The following ZNF839 variants were observed in gnomAD, a reference collection of about 807,000 sequenced individuals.
The protein encoded by ZNF839 is renal carcinoma antigen NY-REN-50.
Under a neutral mutation model 56.4 loss-of-function variants are expected in ZNF839, and 38 were observed. The ratio of observed to expected loss-of-function variants is 0.67; its 90% confidence interval spans 0.52 to 0.88. ZNF839 has a LOEUF of 0.88. ZNF839 is among the 40% of genes least tolerant of loss of function. The pLI is 0.00. For missense variants in ZNF839, 1,091 were observed against 1,177.6 expected (o/e 0.93, Z 1.08); for synonymous variants, 486 against 493.5 (o/e 0.98, Z 0.20).
chr14:102,336,534 G>GTGA (rs1885734109), intron 5 of ZNF839: 1 of 340,248 alleles, frequency 2.9e-6, no homozygotes, highest in African/African-American at 2.2e-5. Flanking sequence ...AGCTCAGGCA[G>GTGA]TCTGCCTGCC....
intron 1 of ZNF839, among the ~76,000 whole-genome samples, chr14:102,321,473 T>C (rs2073125391): frequency 6.6e-6 from 1 of 152,240 alleles, no homozygotes; most frequent in South Asian, 2.1e-4. Context: ...TATTCGAGCT[T>C]AGGCAGCATG....
chr14:102,327,074 A>C (rs1457408945), intron 2 of ZNF839, among the ~76,000 whole-genome samples, 187 bp downstream of exon 2: 2 of 152,038 alleles, frequency 1.3e-5, no homozygotes, highest in Non-Finnish European at 2.9e-5. Flanking sequence ...AGTCACGGTG[A>C]AGGCAGAGTG....
In ZNF839 at chr14:102,326,608, G is replaced by A. The variant is rs200901016; in HGVS notation, c.912G>A (p.Ser304=). 7 of 1,613,584 alleles carry A rather than the reference G, an allele frequency of 4.3e-6. No individual in the cohort carries two copies. The highest frequency in any genetic ancestry group is 4.5e-5 in the East Asian group (2 of 44,892). Residue 304 remains serine, a synonymous_variant, in exon 2 of 8, where the codon TCG becomes TCA. Coordinates refer to ENST00000442396, the MANE Select transcript of ZNF839 (RefSeq NM_018335.6). This position sits in a 1 kb window ranked among gnomAD's most constrained non-coding sequence, Gnocchi z 4.3. ...QRERHALFDL[S]SCSLRPKSFK... is the part of the protein sequence containing the mutation. The stretch of plus-strand genomic sequence containing the variant: ...AGAGGCACGCACTCTTTGACTTATC[G>A]AGCTGCTCCCTGAGGCCCAAAAGCT...
At chr14:102,319,035 A>T (rs979201445), upstream of ZNF839, among the ~76,000 whole-genome samples, 1 of 152,244 alleles carries the variant, frequency 6.6e-6, no homozygotes, top group Non-Finnish European at 1.5e-5. The surrounding 1 kb of genome is among the most constrained non-coding windows in gnomAD (Gnocchi z 4.5). Context: ...ACAGAGCCTC[A>T]ACCGTAAGAA....
intron 3 of ZNF839, among the ~76,000 whole-genome samples, chr14:102,333,906 C>A (rs1027485146): frequency 6.6e-6 from 1 of 152,202 alleles, no homozygotes. Context: ...TCTTGACTTT[C>A]TCCTTCACTC....
Position 102,326,209 on chromosome 14 carries a change from A to G in ZNF839, c.513A>G (p.Gln171=). ...CCTGCTTCCTAAGTGACTTATGCCAACCTCCTGCTCAGGGGTTTGTACAGA... is the reference window on the plus strand; with the variant it reads ...CCTGCTTCCTAAGTGACTTATGCCAGCCTCCTGCTCAGGGGTTTGTACAGA... ...PQSCFLSDLC[Q]PPAQGFVQRP... The change falls in exon 2 of 8, where the codon CAA becomes CAG. Residue 171 remains glutamine, a synonymous_variant. Coordinates refer to ENST00000442396, the MANE Select transcript of ZNF839 (RefSeq NM_018335.6). The surrounding 1 kb of genome is among the most constrained non-coding windows in gnomAD (Gnocchi z 4.3). 1 of 1,613,586 alleles carries G rather than the reference A, an allele frequency of 6.2e-7. No individual in the cohort carries two copies. Among genetic ancestry groups the G allele is most frequent in the Non-Finnish European group, 8.5e-7 (1 of 1,179,772 alleles).
At chr14:102,335,629 G>A in intron 4 of ZNF839, 60 bp from the exon 5 acceptor site, 1 of 1,503,336 alleles carries the variant, frequency 6.7e-7, no homozygotes, top group Non-Finnish European at 8.9e-7. Context: ...ATTTTCTTCT[G>A]TATTTTCCAT....
chr14:102,337,860 G>A (rs1886002371), intron 5 of ZNF839: 1 of 152,244 alleles, frequency 6.6e-6, no homozygotes, highest in Non-Finnish European at 1.5e-5. Context: ...GATACCAGCT[G>A]TCTCTTAGCA....
chr14:102,320,839 A>T (rs28447144), intron 1 of ZNF839, among the ~76,000 whole-genome samples: 9,489 of 152,268 alleles, frequency 0.062, 350 homozygotes, highest in African/African-American at 0.098. Context: ...CCGGAGGGTG[A>T]AGCATAGCGC....
upstream of ZNF839, chr14:102,319,594 C>T: frequency 1.1e-6 from 1 of 934,144 alleles, no homozygotes; most frequent in Non-Finnish European, 1.4e-6. This position sits in a 1 kb window ranked among gnomAD's most constrained non-coding sequence, Gnocchi z 4.5. Flanking sequence ...CCCTAAGAGC[C>T]GCGGCGGTTG....
At chr14:102,331,092 G>A (rs185817962) in intron 2 of ZNF839, among the ~76,000 whole-genome samples, 49 of 152,258 alleles carry the variant, frequency 3.2e-4, no homozygotes, top group African/African-American at 1.1e-3. Flanking sequence ...CGAATATTTT[G>A]TATCCACTGA....
At chr14:102,320,850 C>T (rs936156523) in intron 1 of ZNF839, among the ~76,000 whole-genome samples, 1 of 152,210 alleles carries the variant, frequency 6.6e-6, no homozygotes, top group African/African-American at 2.4e-5. Flanking sequence ...AGCATAGCGC[C>T]TGAAGCCAGA....
chr14:102,331,607 T>G lies in ZNF839; in HGVS notation c.1192-15T>G. On this transcript the variant is annotated splice_polypyrimidine_tract_variant and intron_variant, in intron 2 of 7. Coordinates refer to ENST00000442396, the MANE Select transcript of ZNF839 (RefSeq NM_018335.6). Reference sequence around the variant, plus strand: ...GATTGTTTTATTTTACTTTTGGGTGTGCAACACTGTCTAGAATGGTCAGTC... The same window carrying G: ...GATTGTTTTATTTTACTTTTGGGTGGGCAACACTGTCTAGAATGGTCAGTC... The G allele has an allele frequency of 1.9e-6, 3 of 1,598,434 alleles. No individual in the cohort carries two copies. Among genetic ancestry groups the G allele is most frequent in the Non-Finnish European group, 2.6e-6 (3 of 1,171,268 alleles).
chr14:102,320,272 G>A (rs1480381913), intron 1 of ZNF839, among the ~76,000 whole-genome samples: 1 of 152,242 alleles, frequency 6.6e-6, no homozygotes, highest in African/African-American at 2.4e-5. Flanking sequence ...CTCACGCTGG[G>A]CCCTGTGCCT....
In ZNF839 at chr14:102,339,378, G is replaced by C. The variant is rs993347869; in HGVS notation, c.1927+155G>C. 3.1e-5 allele frequency: 35 copies of C among 1,114,336 alleles called. No homozygotes were observed. In the African/African-American group the frequency reaches 5.5e-4, roughly 18 times the overall value. The allele number at this position is 1,114,336 out of a possible 1,614,324, so 69.0% of individuals were successfully genotyped here. On this transcript the variant is annotated intron_variant, in intron 7 of 7. Coordinates refer to ENST00000442396, the MANE Select transcript of ZNF839 (RefSeq NM_018335.6). ...TCTCAAGTTTCATTCCAGCCTCCCAGTGTTCTGTCATTCCAGATTCATTCC... is the reference window on the plus strand; with the variant it reads ...TCTCAAGTTTCATTCCAGCCTCCCACTGTTCTGTCATTCCAGATTCATTCC...
At position 102,319,774 on chromosome 14, in the gene ZNF839, T is replaced by G. The variant is rs111952535; in HGVS notation, c.9T>G (p.Asp3Glu). The G allele has an allele frequency of 8.1e-7, 1 of 1,230,644 alleles. No homozygotes were observed. The highest frequency in any genetic ancestry group is 1.0e-6 in the Non-Finnish European group (1 of 987,026). 76.2% of individuals were successfully genotyped at this position (1,230,644 alleles called of 1,614,324 possible). MA[D>E]AEPEAGGGSE... Reference sequence around the variant, plus strand: ...TCCCCGCCTCGGCCGCCATGGCGGATGCGGAGCCGGAGGCTGGGGGCGGCA... The same window carrying G: ...TCCCCGCCTCGGCCGCCATGGCGGAGGCGGAGCCGGAGGCTGGGGGCGGCA... The change falls in exon 1 of 8, where the codon GAT becomes GAG. Residue 3 changes from aspartate (D) to glutamate (E), a missense_variant. By Grantham distance (45) the Asp-to-Glu change is conservative. This residue lies in a region of ZNF839 where 614 missense variants were observed against 629.2 expected (regional missense o/e 0.98). Transcript: ENST00000442396. The surrounding 1 kb of genome is among the most constrained non-coding windows in gnomAD (Gnocchi z 4.5).
chr14:102,341,533 G>C lies in ZNF839; in HGVS notation c.2138G>C (p.Arg713Thr). The change falls in exon 8 of 8, where the codon AGG (arginine) becomes ACG (threonine). Residue 713 changes from arginine (R) to threonine (T), a missense_variant. Transcript: ENST00000442396. ...LPVYAQSGEP[R>T]RLTQAQVAAF... is the part of the protein sequence containing the mutation. The stretch of plus-strand genomic sequence containing the variant: ...GTTTATGCTCAGTCAGGAGAGCCTA[G>C]GAGGCTGACCCAGGCACAGGTGGCA... 1.2e-6 allele frequency: 2 copies of C among 1,610,366 alleles called. No individual in the cohort carries two copies. The highest frequency in any genetic ancestry group is 1.7e-6 in the Non-Finnish European group (2 of 1,177,834).
intron 1 of ZNF839, among the ~76,000 whole-genome samples, chr14:102,324,694 C>T (rs1266531847): frequency 6.7e-6 from 1 of 149,382 alleles, no homozygotes; most frequent in African/African-American, 2.5e-5. Flanking sequence ...AAAAAACAAA[C>T]AAACAAAAAG....
At chr14:102,335,537 A>G in intron 4 of ZNF839, 152 bp from the exon 5 acceptor site, 3 of 720,524 alleles carry the variant, frequency 4.2e-6, no homozygotes, top group Non-Finnish European at 4.5e-6. Flanking sequence ...TGCGGGGCAC[A>G]CAGTAGGTGC....
Sources: gnomAD v4.1 joint callset for allele counts (sites outside exome capture counted in the v4.1 genomes callset) on GRCh38, gnomAD v4.1.1 for gene constraint, gnomAD v4.1.1 regional missense constraint, Gnocchi (gnomAD v3.1) non-coding constraint, MANE v1.5 for transcripts, NCBI Gene and HGNC (gene_info 2026-07-23, HGNC 2026-07-21) for gene names.